CDH19: variants seen among roughly 807,000 people sequenced by gnomAD.
The protein encoded by CDH19 is cadherin-19.
A neutral mutation model predicts 64.2 loss-of-function variants in CDH19; 67 were observed. The observed-to-expected ratio is 1.04, with a 90% CI of 0.86 to 1.28. The LOEUF is 1.28. CDH19 is among the 50% of genes most tolerant of loss of function. CDH19 has a pLI of 0.00. For missense variants in CDH19, 1,030 were observed against 929.0 expected (o/e 1.11, Z -1.41); for synonymous variants, 346 against 319.3 (o/e 1.08, Z -0.89).
chr18:66,505,576 A>T (rs1311156046), intron 11 of CDH19, among the ~76,000 whole-genome samples: 1 of 147,260 alleles, frequency 6.8e-6, no homozygotes, highest in East Asian at 2.0e-4. Context: ...TATATAATAT[A>T]ATATATATAG....
At position 66,553,378 on chromosome 18, in the gene CDH19, T is replaced by C. The variant is rs1335324640; in HGVS notation, c.610+1027A>G. On this transcript the variant is annotated intron_variant, in intron 4 of 11. Coordinates refer to ENST00000262150, the MANE Select transcript of CDH19 (RefSeq NM_021153.4). ...ATATAATAAAATAATTTTTCTTCCA[T>C]ACATTTGAAAAAATAAAGGCCATGT... Among the ~76,000 whole-genome samples the C allele has an allele frequency of 2.2e-5, 3 of 133,932 alleles. 1 individual carries two copies. Among genetic ancestry groups the C allele is most frequent in the African/African-American group, 1.0e-4 (3 of 29,090 alleles). 87.9% of individuals were successfully genotyped at this position (133,932 alleles called of 152,430 possible).
rs1285213901 is a variant in CDH19 at position 66,549,889 on chromosome 18, T to C, written c.775+1205A>G. 5.9e-5 allele frequency among the ~76,000 whole-genome samples: 9 copies of C among 152,066 alleles called. No individual in the cohort carries two copies. In the East Asian group the frequency reaches 1.7e-3, roughly 29 times the overall value. On this transcript the variant is annotated intron_variant, in intron 5 of 11. Transcript: ENST00000262150. ...GTATGATGCCAACTTCCTGTGCTTATTCATGGACTCAACTACTGGAAGGAA... is the reference window on the plus strand; with the variant it reads ...GTATGATGCCAACTTCCTGTGCTTACTCATGGACTCAACTACTGGAAGGAA...
intron 1 of CDH19, among the ~76,000 whole-genome samples, chr18:66,574,183 A>T (rs1023920955): frequency 4.6e-5 from 7 of 151,798 alleles, no homozygotes; most frequent in African/African-American, 1.4e-4. Context: ...AGTTTCACAT[A>T]GTCTGAATGT....
intron 1 of CDH19, among the ~76,000 whole-genome samples, chr18:66,573,810 G>A (rs1326219283): frequency 6.7e-6 from 1 of 150,108 alleles, no homozygotes; most frequent in Non-Finnish European, 1.5e-5. Context: ...ACCAACACAT[G>A]GTCAATATTG....
intron 3 of CDH19, among the ~76,000 whole-genome samples, chr18:66,557,727 G>A (rs1030480130): frequency 1.3e-5 from 2 of 151,868 alleles, no homozygotes; most frequent in Non-Finnish European, 2.9e-5. Flanking sequence ...TTTTTTGTGT[G>A]TGAGAAGATG....
chr18:66,546,296 A>C (rs1487407119), intron 5 of CDH19, among the ~76,000 whole-genome samples: 1 of 152,158 alleles, frequency 6.6e-6, no homozygotes, highest in Non-Finnish European at 1.5e-5. Context: ...TTGAAGACTG[A>C]CTATATAGTA....
At chr18:66,543,744 G>A (rs925616035) in intron 7 of CDH19, among the ~76,000 whole-genome samples, 1 of 151,982 alleles carries the variant, frequency 6.6e-6, no homozygotes, top group Non-Finnish European at 1.5e-5. Context: ...TTAGCTGGGC[G>A]TGGTGGCGCA....
chr18:66,562,239 C>G (rs1987750440), intron 3 of CDH19, among the ~76,000 whole-genome samples: 1 of 151,628 alleles, frequency 6.6e-6, no homozygotes, highest in Non-Finnish European at 1.5e-5. Flanking sequence ...AACTACACAA[C>G]TCACCATAAT....
At chr18:66,589,222 G>A in intron 1 of CDH19, among the ~76,000 whole-genome samples, 1 of 150,004 alleles carries the variant, frequency 6.7e-6, no homozygotes, top group East Asian at 2.0e-4. Flanking sequence ...TTGACAAATT[G>A]AATGAATATA....
chr18:66,551,367 T>C, intron 4 of CDH19, 109 bp from the exon 5 acceptor site: 1 of 669,372 alleles, frequency 1.5e-6, no homozygotes, highest in Admixed American at 2.7e-5. Context: ...GTTGAACCAC[T>C]GCAATGTGAC....
rs1238937121 is a variant in CDH19 at position 66,543,988 on chromosome 18, A to G, written c.1197T>C (p.Asn399=). ...AGACATACCTGATAGGAGATTTCCT[A>G]TTGTCTGGGTCTGTGGCAGACACCA... ...VGVVSATDPD[N]RKSPIRYSIT... The change falls in exon 7 of 12, where the codon AAT becomes AAC. Residue 399 remains asparagine, a synonymous_variant. Transcript: ENST00000262150. 3 of 1,612,430 alleles carry G rather than the reference A, an allele frequency of 1.9e-6. No homozygotes were observed. Among genetic ancestry groups the G allele is most frequent in the Admixed American group, 1.7e-5 (1 of 59,784 alleles).
intron 3 of CDH19, among the ~76,000 whole-genome samples, chr18:66,566,275 CCTTT>C (rs1242127667): frequency 6.7e-6 from 1 of 150,132 alleles, no homozygotes; most frequent in Non-Finnish European, 1.5e-5. Flanking sequence ...ATTCCATGAC[CCTTT>C]CTTTTTTTTT....
chr18:66,540,095 T>C (rs1183455112), intron 7 of CDH19, among the ~76,000 whole-genome samples: 3 of 152,114 alleles, frequency 2.0e-5, no homozygotes, highest in Admixed American at 6.5e-5. Context: ...CTCTCTCTGT[T>C]TGCCCCTTGG....
intron 5 of CDH19, among the ~76,000 whole-genome samples, 194 bp from the exon 6 acceptor site, chr18:66,545,097 G>A (rs1277490612): frequency 1.3e-5 from 2 of 151,964 alleles, no homozygotes; most frequent in African/African-American, 2.4e-5. Flanking sequence ...TCCTGCCTCA[G>A]CCTACTGAGT....
chr18:66,533,111 T>A (rs961621544), intron 8 of CDH19, among the ~76,000 whole-genome samples: 4 of 151,972 alleles, frequency 2.6e-5, no homozygotes, highest in Admixed American at 1.3e-4. Flanking sequence ...TGGGCTGGGA[T>A]GAGATTTTGC....
intron 11 of CDH19, among the ~76,000 whole-genome samples, chr18:66,507,226 A>T (rs1312158201): frequency 1.3e-5 from 2 of 151,966 alleles, no homozygotes; most frequent in African/African-American, 4.8e-5. Flanking sequence ...TCATAATCAA[A>T]GATCATTAAA....
At chr18:66,594,928 C>T (rs866861419) in intron 1 of CDH19, among the ~76,000 whole-genome samples, 5 of 150,468 alleles carry the variant, frequency 3.3e-5, no homozygotes, top group East Asian at 2.0e-4. Context: ...GTGGGTGCAG[C>T]GCACCAGCAT....
At chr18:66,548,351 T>C (rs1305979783) in intron 5 of CDH19, among the ~76,000 whole-genome samples, 1 of 136,772 alleles carries the variant, frequency 7.3e-6, no homozygotes, top group Non-Finnish European at 1.5e-5. Flanking sequence ...TGGAGATGTA[T>C]ATTTAATATG....
intron 8 of CDH19, chr18:66,532,530 A>C (rs1283539009): frequency 3.2e-6 from 1 of 312,472 alleles, no homozygotes; most frequent in African/African-American, 2.2e-5. Context: ...AGAGAAAGAG[A>C]GAGAGAGAGG....
Sources: allele counts gnomAD v4.1 joint callset (sites outside exome capture counted in the v4.1 genomes callset), GRCh38; gene constraint gnomAD v4.1.1; transcripts MANE v1.5; gene names NCBI Gene and HGNC (gene_info 2026-07-23, HGNC 2026-07-21).